The following CDH13 variants were observed in gnomAD, a reference collection of about 807,000 sequenced individuals.
CDH13 encodes cadherin-13.
A neutral mutation model predicts 63.8 loss-of-function variants in CDH13; 24 were observed. That is an observed-to-expected ratio of 0.38 (90% CI 0.27 to 0.53). CDH13 has a LOEUF of 0.53. Among genes scored for constraint, CDH13 ranks in the 20% least tolerant of loss-of-function variants. The probability of loss-of-function intolerance (pLI) is 0.85; values close to 1 mark genes in which losing one functional copy is unlikely to be tolerated. For missense variants in CDH13, 1,049 were observed against 903.1 expected, an observed-to-expected ratio of 1.16 and a Z score of -2.07; for synonymous variants, 503 against 355.3, an observed-to-expected ratio of 1.42 and a Z score of -4.67.
chr16:83,266,727 A>C (rs1366062417), intron 5 of CDH13, among the ~76,000 whole-genome samples: 1 of 152,200 alleles, frequency 6.6e-6, no homozygotes, highest in Non-Finnish European at 1.5e-5. Flanking sequence ...AGCACAACAA[A>C]CATCACAACC....
rs1567604553 is a variant in CDH13 at position 83,798,840 on chromosome 16, A to C, written c.*3810A>C. 6.7e-6 allele frequency: 1 copy of C among 150,200 alleles called. No individual in the cohort carries two copies. The highest frequency in any genetic ancestry group is 2.5e-5 in the African/African-American group (1 of 40,576). The allele number at this position is 150,200 out of a possible 1,614,324, so 9.3% of individuals were successfully genotyped here. A position where few individuals can be genotyped will look rare whatever the true frequency, so the allele number is the denominator to read the frequency against. On this transcript the variant is annotated 3_prime_UTR_variant, in exon 14 of 14. Coordinates refer to ENST00000567109, the MANE Select transcript of CDH13 (RefSeq NM_001257.5). ...TGTTACCTATTATTAAGTTCATGCT[A>C]TACTTCTTCAATCTGAAAGCTTTCT...
At chr16:82,987,964 C>T (rs544560531) in intron 2 of CDH13, among the ~76,000 whole-genome samples, 2 of 152,312 alleles carry the variant, frequency 1.3e-5, no homozygotes, top group East Asian at 1.9e-4. Flanking sequence ...TGCCTCGTCT[C>T]ATTGTTTGCT....
chr16:82,779,608 A>C (rs1449970683), intron 1 of CDH13, among the ~76,000 whole-genome samples: 1 of 152,168 alleles, frequency 6.6e-6, no homozygotes, highest in Non-Finnish European at 1.5e-5. Context: ...GAAAAACCAG[A>C]AGAAAGATTT....
intron 7 of CDH13, among the ~76,000 whole-genome samples, chr16:83,566,189 G>A (rs532423040): frequency 6.6e-6 from 1 of 152,240 alleles, no homozygotes; most frequent in East Asian, 1.9e-4. Flanking sequence ...CCAGGCATTG[G>A]ATAATGGCAG....
chr16:83,643,605 C>G (rs183784250), intron 8 of CDH13, among the ~76,000 whole-genome samples: 18 of 152,184 alleles, frequency 1.2e-4, no homozygotes, highest in African/African-American at 3.1e-4. Flanking sequence ...CCCCCTTCAG[C>G]TTATGCTACC....
rs140565991 is a variant in CDH13 at position 82,981,644 on chromosome 16, A to G, written c.158-50366A>G. On this transcript the variant is annotated intron_variant, in intron 2 of 13. Transcript: ENST00000567109. ...CTTCCTTCTTTAGGTCAGAAAAGAA[A>G]TTCATGAAAAACACCATAAAATAAA... Among the ~76,000 whole-genome samples, 545 of 152,306 alleles carry G rather than the reference A, an allele frequency of 3.6e-3. 5 individuals carry two copies. The highest frequency in any genetic ancestry group is 0.013 in the African/African-American group (526 of 41,568).
chr16:82,880,146 G>C (rs1391800018), intron 2 of CDH13, among the ~76,000 whole-genome samples: 4 of 151,820 alleles, frequency 2.6e-5, no homozygotes, highest in Middle Eastern at 3.4e-3. Flanking sequence ...CATACCTACT[G>C]ATCAGTGTAT....
chr16:83,353,537 C>A (rs1009444767), intron 6 of CDH13, among the ~76,000 whole-genome samples: 7 of 152,266 alleles, frequency 4.6e-5, no homozygotes, highest in African/African-American at 1.7e-4. Context: ...AACCAACCAA[C>A]AGAACTGTAT....
intron 5 of CDH13, among the ~76,000 whole-genome samples, chr16:83,334,361 T>TCTCTCACACACACACACACACACA (rs1272779883): frequency 1.2e-5 from 1 of 85,592 alleles, no homozygotes; most frequent in African/African-American, 5.0e-5. Context: ...TCTCTCTCTC[T>TCTCTCACACACACACACACACACA]CACACACACA....
chr16:83,020,989 A>C lies in CDH13; in HGVS notation c.158-11021A>C, dbSNP rs141032210. On this transcript the variant is annotated intron_variant, in intron 2 of 13. Coordinates refer to ENST00000567109, the MANE Select transcript of CDH13 (RefSeq NM_001257.5). ...TTTACCCTTGAGATGCACATTCAGA[A>C]GGAGACTTTTACACATAATTGCTAT... Among the ~76,000 whole-genome samples, 515 of 152,338 alleles carry C rather than the reference A, an allele frequency of 3.4e-3. 3 individuals are homozygous for C. The highest frequency in any genetic ancestry group is 6.2e-3 in the Non-Finnish European group (420 of 68,008).
chr16:83,314,704 A>G (rs1309032658), intron 5 of CDH13, among the ~76,000 whole-genome samples: 1 of 152,200 alleles, frequency 6.6e-6, no homozygotes, highest in Non-Finnish European at 1.5e-5. Flanking sequence ...ATTCTGTACT[A>G]TACTTAATAG....
chr16:83,590,261 T>C (rs897861459), intron 7 of CDH13, among the ~76,000 whole-genome samples: 5 of 152,080 alleles, frequency 3.3e-5, no homozygotes, highest in African/African-American at 1.2e-4. Flanking sequence ...CTGGAAGCTG[T>C]TGCATAAGTC....
At chr16:82,687,152 C>G (rs577843153) in intron 1 of CDH13, among the ~76,000 whole-genome samples, 2 of 152,220 alleles carry the variant, frequency 1.3e-5, no homozygotes, top group East Asian at 1.9e-4. Context: ...ATGGAGAGGC[C>G]AAGTCCTCTC....
chr16:83,243,209 G>C (rs1454988001), intron 5 of CDH13, among the ~76,000 whole-genome samples: 1 of 152,096 alleles, frequency 6.6e-6, no homozygotes, highest in African/African-American at 2.4e-5. Context: ...GGCTGTACTA[G>C]TCTGTTTCAC....
intron 1 of CDH13, among the ~76,000 whole-genome samples, chr16:82,730,242 C>T (rs1232238509): frequency 6.6e-6 from 1 of 152,204 alleles, no homozygotes; most frequent in African/African-American, 2.4e-5. Context: ...CCGGTCTTGG[C>T]TTTCAACATA....
chr16:83,643,827 G>C (rs1051598224), intron 8 of CDH13, among the ~76,000 whole-genome samples: 1 of 152,132 alleles, frequency 6.6e-6, no homozygotes, highest in Non-Finnish European at 1.5e-5. Context: ...CATGTCAACA[G>C]CATCCTGGAG....
At chr16:82,851,240 C>T (rs1229630478) in intron 1 of CDH13, among the ~76,000 whole-genome samples, 8 of 151,950 alleles carry the variant, frequency 5.3e-5, no homozygotes, top group Non-Finnish European at 1.2e-4. Context: ...TCGAGACCAG[C>T]CTGGCCAACA....
Position 83,791,683 on chromosome 16 carries a change from C to T in CDH13, c.2135-3340C>T, listed in dbSNP as rs570321851. ...AAAATTAGCTGGGTGTGGTGGCACACGCCTATAATCCCAGCTACTCAGGAG... is the reference window on the plus strand; with the variant it reads ...AAAATTAGCTGGGTGTGGTGGCACATGCCTATAATCCCAGCTACTCAGGAG... On this transcript the variant is annotated intron_variant, in intron 13 of 13. Coordinates refer to ENST00000567109, the MANE Select transcript of CDH13 (RefSeq NM_001257.5). Among the ~76,000 whole-genome samples the T allele has an allele frequency of 4.0e-5, 6 of 151,664 alleles. No homozygotes were observed. The South Asian group carries it at 8.4e-4, about 21-fold the overall frequency.
intron 2 of CDH13, among the ~76,000 whole-genome samples, chr16:83,003,764 G>A (rs527863975): frequency 5.9e-5 from 9 of 152,306 alleles, no homozygotes; most frequent in South Asian, 4.1e-4. Flanking sequence ...TCCATTCAAA[G>A]GTTCCTTAGA....
Sources: gnomAD v4.1 joint callset for allele counts (sites outside exome capture counted in the v4.1 genomes callset) on GRCh38, gnomAD v4.1.1 for gene constraint, MANE v1.5 for transcripts, NCBI Gene and HGNC (gene_info 2026-07-23, HGNC 2026-07-21) for gene names.